HMCN1: variants seen among roughly 807,000 people sequenced by gnomAD.
HMCN1 encodes hemicentin-1.
A neutral mutation model predicts 625.9 loss-of-function variants in HMCN1; 321 were observed. The observed-to-expected ratio is 0.51, with a 90% CI of 0.47 to 0.56. The LOEUF is 0.56. Among genes scored for constraint, HMCN1 ranks in the 20% least tolerant of loss-of-function variants. HMCN1 has a pLI of 0.00. For synonymous variants in HMCN1, 2,425 were observed against 2,417.6 expected (o/e 1.00, Z -0.09); for missense variants, 6,588 against 6,887.3 (o/e 0.96, Z 1.54).
intron 1 of HMCN1, among the ~76,000 whole-genome samples, chr1:185,822,349 T>C (rs1341870353): frequency 6.6e-6 from 1 of 152,126 alleles, no homozygotes; most frequent in Non-Finnish European, 1.5e-5. Context: ...CCCAGTTTTG[T>C]TCTGAACCTA....
intron 68 of HMCN1, among the ~76,000 whole-genome samples, chr1:186,101,628 C>T (rs1660386511): frequency 1.3e-5 from 2 of 151,980 alleles, no homozygotes; most frequent in Admixed American, 6.6e-5. Context: ...AATCACTTAA[C>T]ACAGGTAAGA....
chr1:186,148,747 C>T (rs761862805), intron 93 of HMCN1, among the ~76,000 whole-genome samples: 6 of 151,996 alleles, frequency 3.9e-5, no homozygotes, highest in Non-Finnish European at 2.9e-5. Flanking sequence ...AGTGAGCTAC[C>T]GGCACCTGAC....
At chr1:186,049,481 A>G (rs2102266122) in intron 42 of HMCN1, among the ~76,000 whole-genome samples, 1 of 152,048 alleles carries the variant, frequency 6.6e-6, no homozygotes, top group South Asian at 2.1e-4. Context: ...AACCAGGGAG[A>G]AAAGTTATTC....
chr1:185,803,114 G>A (rs2084360175), intron 1 of HMCN1, among the ~76,000 whole-genome samples: 1 of 142,124 alleles, frequency 7.0e-6, no homozygotes, highest in Admixed American at 7.7e-5. Flanking sequence ...AATTTCTTGA[G>A]TCTCCCTCAA....
At chr1:185,987,883 A>C (rs1652114996) in intron 20 of HMCN1, among the ~76,000 whole-genome samples, 1 of 151,958 alleles carries the variant, frequency 6.6e-6, no homozygotes, top group Non-Finnish European at 1.5e-5. Flanking sequence ...AAAAAACTTA[A>C]GTGCAAGAAG....
intron 4 of HMCN1, among the ~76,000 whole-genome samples, chr1:185,876,751 G>A (rs1663960921): frequency 6.6e-6 from 1 of 151,700 alleles, no homozygotes; most frequent in South Asian, 2.1e-4. Context: ...ACATTTTAAT[G>A]TGCCCACTTT....
At chr1:186,164,131 C>T (rs188349082) in intron 97 of HMCN1, among the ~76,000 whole-genome samples, 10 of 152,290 alleles carry the variant, frequency 6.6e-5, no homozygotes, top group African/African-American at 2.4e-4. Flanking sequence ...CCCATCTATC[C>T]TAGTACCACC....
intron 96 of HMCN1, among the ~76,000 whole-genome samples, 145 bp from the exon 97 acceptor site, chr1:186,153,577 GTATTAAATTAGGATTAAAAGTTAACACA>G (rs1236406037): frequency 1.3e-5 from 2 of 151,846 alleles, no homozygotes; most frequent in Non-Finnish European, 2.9e-5. Flanking sequence ...AAAGCTATAG[GTATTAAATTAGGATTAAAAGTTAACACA>G]TATTAAATGT....
intron 97 of HMCN1, among the ~76,000 whole-genome samples, chr1:186,163,539 C>T (rs1045087323): frequency 1.2e-4 from 18 of 152,032 alleles, no homozygotes; most frequent in African/African-American, 2.2e-4. Context: ...TGTTCCTATT[C>T]GGCCATCTTG....
chr1:186,145,781 T>C lies in HMCN1; in HGVS notation c.14466T>C (p.Ser4822=). 6.2e-7 allele frequency: 1 copy of C among 1,614,194 alleles called. No homozygotes were observed. The highest frequency in any genetic ancestry group is 1.3e-5 in the African/African-American group (1 of 75,064). The change falls in exon 93 of 107, where the codon AGT becomes AGC. Residue 4822 remains serine (S), a synonymous_variant. Coordinates refer to ENST00000271588, the MANE Select transcript of HMCN1 (RefSeq NM_031935.3). ...ATGGAAGTTGGGGAAGCTGGCATAG[T>C]TGGAGCCAGTGCTCTGCCTCCTGTG... The part of the protein sequence containing the change: ...PVDGSWGSWH[S]WSQCSASCGG...
chr1:186,137,206 G>C (rs544018937), intron 87 of HMCN1, among the ~76,000 whole-genome samples: 1 of 152,100 alleles, frequency 6.6e-6, no homozygotes, highest in African/African-American at 2.4e-5. Flanking sequence ...TATATGTTTT[G>C]CTGCAAAGAA....
At chr1:186,064,787 G>A (rs1400396247) in intron 48 of HMCN1, among the ~76,000 whole-genome samples, 1 of 132,304 alleles carries the variant, frequency 7.6e-6, no homozygotes, top group East Asian at 2.2e-4. Context: ...TCCAGCCTGG[G>A]TCACAGAGTG....
At chr1:186,072,818 C>G (rs1289659075) in intron 52 of HMCN1, among the ~76,000 whole-genome samples, 1 of 152,188 alleles carries the variant, frequency 6.6e-6, no homozygotes, top group Non-Finnish European at 1.5e-5. Flanking sequence ...AGAGCCAGAC[C>G]ATGATGCCCC....
Position 185,963,944 on chromosome 1 carries a change from T to C in HMCN1, c.2098+49T>C, listed in dbSNP as rs1211044906. On this transcript the variant is annotated intron_variant, in intron 13 of 106. Coordinates refer to ENST00000271588, the MANE Select transcript of HMCN1 (RefSeq NM_031935.3). The stretch of plus-strand genomic sequence containing the variant: ...CAATTAAAATAGGATGAATATCACA[T>C]CAAGCAATGCAAAAGTACTTTTTTG... The C allele has an allele frequency of 2.6e-6, 4 of 1,529,554 alleles. No individual in the cohort carries two copies. In the East Asian group the frequency reaches 6.8e-5, roughly 26 times the overall value. The allele number at this position is 1,529,554 out of a possible 1,614,324, so 94.7% of individuals were successfully genotyped here.
chr1:185,976,298 G>A (rs1356963677), intron 15 of HMCN1, among the ~76,000 whole-genome samples: 1 of 152,176 alleles, frequency 6.6e-6, no homozygotes, highest in African/African-American at 2.4e-5. Flanking sequence ...GTACTGATAT[G>A]AGAAAGGTCA....
At chr1:185,746,392 C>G (rs774688974) in intron 1 of HMCN1, among the ~76,000 whole-genome samples, 2 of 152,152 alleles carry the variant, frequency 1.3e-5, no homozygotes, top group East Asian at 3.8e-4. Context: ...AGAAATTTAT[C>G]ATCTCACAGT....
At chr1:186,065,592 A>C (rs1658058456) in intron 49 of HMCN1, among the ~76,000 whole-genome samples, 163 bp downstream of exon 49, 1 of 152,184 alleles carries the variant, frequency 6.6e-6, no homozygotes, top group Non-Finnish European at 1.5e-5. Context: ...TAATTTATAA[A>C]TTAATTTATG....
intron 47 of HMCN1, 95 bp from the exon 48 acceptor site, chr1:186,062,419 G>T: frequency 1.3e-6 from 1 of 758,548 alleles, no homozygotes; most frequent in Non-Finnish European, 2.3e-6. Context: ...GATTTGTTTT[G>T]AAGGTTATAG....
chr1:185,980,603 A>T (rs1651552399), intron 16 of HMCN1, among the ~76,000 whole-genome samples: 1 of 151,342 alleles, frequency 6.6e-6, no homozygotes, highest in Admixed American at 6.6e-5. Context: ...GTGGTGGTGC[A>T]GAGCACCACC....
Sources: allele counts gnomAD v4.1 joint callset (sites outside exome capture counted in the v4.1 genomes callset), GRCh38; gene constraint gnomAD v4.1.1; transcripts MANE v1.5; gene names NCBI Gene and HGNC (gene_info 2026-07-23, HGNC 2026-07-21).